NT5C2: variants seen among roughly 807,000 people sequenced by gnomAD.
NT5C2 encodes the protein 5'-nucleotidase, cytosolic II.
Under a neutral mutation model 76.1 loss-of-function variants are expected in NT5C2, and 58 were observed. The ratio of observed to expected loss-of-function variants is 0.76; its 90% CI spans 0.62 to 0.95. NT5C2 has a LOEUF of 0.95. Ranked by LOEUF, NT5C2 falls within the 40% of genes least tolerant of loss-of-function variation. NT5C2 has a pLI of 0.00. For missense variants in NT5C2, 478 were observed against 690.3 expected (o/e 0.69, Z 3.45); for synonymous variants, 229 against 237.4 (o/e 0.96, Z 0.32).
At chr10:103,108,623 T>C (rs1316683628) in intron 4 of NT5C2, among the ~76,000 whole-genome samples, 2 of 152,196 alleles carry the variant, frequency 1.3e-5, no homozygotes, top group African/African-American at 4.8e-5. Context: ...CTTTAAAACT[T>C]ACATTAATGT....
rs980371081 is a variant in NT5C2 at position 103,155,476 on chromosome 10, G to A, written c.102-15997C>T. Reference sequence around the variant, plus strand: ...TCCAAAATGCCAACCCTAGCCCCAAGCTCTTAATCACCAGGCTAAAAGTAT... The same window carrying A: ...TCCAAAATGCCAACCCTAGCCCCAAACTCTTAATCACCAGGCTAAAAGTAT... On this transcript the variant is annotated intron_variant, in intron 3 of 18. Coordinates refer to ENST00000404739, the MANE Select transcript of NT5C2 (RefSeq NM_001351169.2). Among the ~76,000 whole-genome samples, 15 of 152,190 alleles carry A rather than the reference G, an allele frequency of 9.9e-5. 1 individual carries two copies. Among genetic ancestry groups the A allele is most frequent in the Admixed American group, 2.6e-4 (4 of 15,284 alleles).
At chr10:103,127,342 T>C (rs1259876639) in intron 4 of NT5C2, among the ~76,000 whole-genome samples, 1 of 152,258 alleles carries the variant, frequency 6.6e-6, no homozygotes. Flanking sequence ...TTCTGTTCTA[T>C]ATACAAATGT....
At chr10:103,191,155 G>A (rs892856934) in intron 1 of NT5C2, among the ~76,000 whole-genome samples, 1 of 152,210 alleles carries the variant, frequency 6.6e-6, no homozygotes, top group African/African-American at 2.4e-5. Flanking sequence ...TACTTGGGAG[G>A]CCGAGGCGGG....
intron 4 of NT5C2, among the ~76,000 whole-genome samples, chr10:103,129,268 C>A (rs2077427719): frequency 8.9e-6 from 1 of 112,650 alleles, no homozygotes; most frequent in Non-Finnish European, 1.9e-5. Flanking sequence ...CAGCCCCCCA[C>A]CCGGCCAGCC....
chr10:103,144,275 TG>T (rs2081101906), intron 3 of NT5C2, among the ~76,000 whole-genome samples: 1 of 152,158 alleles, frequency 6.6e-6, no homozygotes, highest in South Asian at 2.1e-4. Flanking sequence ...AGGAATGGAT[TG>T]GGGATGATTT....
At chr10:103,094,264 T>C in intron 13 of NT5C2, 84 bp downstream of exon 13, 1 of 944,032 alleles carries the variant, frequency 1.1e-6, no homozygotes, top group Non-Finnish European at 1.6e-6. Flanking sequence ...AAAAAATTCC[T>C]GTTTCCTTAT....
intron 3 of NT5C2, among the ~76,000 whole-genome samples, chr10:103,162,794 ATTATT>A (rs1408703059): frequency 6.6e-6 from 1 of 152,184 alleles, no homozygotes; most frequent in Non-Finnish European, 1.5e-5. Context: ...AAAAATTACT[ATTATT>A]TTATTATTAC....
At chr10:103,111,728 C>A (rs2073082307) in intron 4 of NT5C2, 2 of 1,231,334 alleles carry the variant, frequency 1.6e-6, no homozygotes, top group South Asian at 8.2e-5. Context: ...AGTGCTGCTG[C>A]CAAAATGAGA....
At chr10:103,147,805 C>T (rs926349044) in intron 3 of NT5C2, among the ~76,000 whole-genome samples, 1 of 152,074 alleles carries the variant, frequency 6.6e-6, no homozygotes, top group East Asian at 1.9e-4. Flanking sequence ...TTGTCATTGC[C>T]AGAGGCTGTG....
In NT5C2 at chr10:103,088,308, G is replaced by GAAAC. The variant is rs1328594952; in HGVS notation, c.*1360_*1363dup. On this transcript the variant is annotated 3_prime_UTR_variant, in exon 19 of 19. Transcript: ENST00000404739. Reference sequence around the variant, plus strand: ...TTGAAACAACTTTCACTGTACTGGTGAAACAGTTTTAATACCCTAACATAC... The same window carrying GAAAC: ...TTGAAACAACTTTCACTGTACTGGTGAAACAAACAGTTTTAATACCCTAACATAC... The GAAAC allele has an allele frequency of 1.3e-5, 2 of 152,228 alleles. No individual in the cohort carries two copies. The highest frequency in any genetic ancestry group is 2.1e-4 in the South Asian group (1 of 4,836). The allele number at this position is 152,228 out of a possible 1,614,324, so 9.4% of individuals were successfully genotyped here.
chr10:103,171,889 T>C (rs2088119808), intron 3 of NT5C2, among the ~76,000 whole-genome samples: 1 of 151,808 alleles, frequency 6.6e-6, no homozygotes, highest in Non-Finnish European at 1.5e-5. Context: ...CAAGACCCCG[T>C]CTCTAATAAA....
chr10:103,153,931 TAAACA>T, intron 3 of NT5C2: 1 of 273,446 alleles, frequency 3.7e-6, no homozygotes, highest in Non-Finnish European at 5.6e-6. Context: ...TAACTGCTTT[TAAACA>T]AAACATCTGC....
rs937422787 is a variant in NT5C2 at position 103,092,373 on chromosome 10, C to A, written c.1160-758G>T. ...AAAGGCTGTCATGTCTATCTTTATA[C>A]ACATATTACCTCCGTTTTTCATCAG... On this transcript the variant is annotated intron_variant, in intron 15 of 18. Coordinates refer to ENST00000404739, the MANE Select transcript of NT5C2 (RefSeq NM_001351169.2). Among the ~76,000 whole-genome samples the A allele has an allele frequency of 5.9e-5, 9 of 152,198 alleles. No individual in the cohort carries two copies. In the South Asian group the frequency reaches 1.9e-3, roughly 32 times the overall value.
At chr10:103,169,222 CCATA>C (rs2087182951) in intron 3 of NT5C2, 1 of 152,036 alleles carries the variant, frequency 6.6e-6, no homozygotes, top group African/African-American at 2.4e-5. Context: ...AACTTGTACA[CCATA>C]AATACATACA....
In NT5C2 at chr10:103,090,970, C is replaced by CCAGA. The variant is rs763648904; in HGVS notation, c.1237_1238insTCTG (p.Arg413LeufsTer13). 4.1e-5 allele frequency: 66 copies of CCAGA among 1,613,706 alleles called. No homozygotes were observed. Among genetic ancestry groups the CCAGA allele is most frequent in the Non-Finnish European group, 2.5e-6 (3 of 1,179,910 alleles). On this transcript the variant is annotated frameshift_variant, in exon 17 of 19. Transcript: ENST00000404739. LOFTEE classifies it high-confidence loss of function. The stretch of plus-strand genomic sequence containing the variant: ...TCTCTGGATGGAACTGATGTCTGGA[C>CCAGA]GCTCATTGCTACTGCTGTCAAGATG...
intron 4 of NT5C2, among the ~76,000 whole-genome samples, chr10:103,121,113 C>T (rs2075573219): frequency 1.3e-5 from 2 of 152,066 alleles, no homozygotes; most frequent in Non-Finnish European, 2.9e-5. Context: ...AGGTTACTAG[C>T]AACTGAGGGG....
At chr10:103,172,851 A>G (rs1439507340) in intron 3 of NT5C2, among the ~76,000 whole-genome samples, 1 of 152,120 alleles carries the variant, frequency 6.6e-6, no homozygotes, top group Non-Finnish European at 1.5e-5. Context: ...AAAACAAAAA[A>G]ATACAAAAAT....
intron 4 of NT5C2, among the ~76,000 whole-genome samples, 190 bp downstream of exon 4, chr10:103,139,216 A>G (rs2079914295): frequency 6.6e-6 from 1 of 152,218 alleles, no homozygotes. Flanking sequence ...GTACAAACTC[A>G]TGAGCCACAT....
intron 3 of NT5C2, chr10:103,146,176 C>T (rs1307202248): frequency 1.0e-6 from 1 of 985,256 alleles, no homozygotes; most frequent in Admixed American, 6.1e-5. Context: ...AATCAGGCCC[C>T]TCAAAAGCAT....
Sources: allele counts gnomAD v4.1 joint callset (sites outside exome capture counted in the v4.1 genomes callset), GRCh38; gene constraint gnomAD v4.1.1; transcripts MANE v1.5; gene names NCBI Gene and HGNC (gene_info 2026-07-23, HGNC 2026-07-21).